Variants in DNAJB6 observed in about 807,000 individuals in gnomAD.
The protein encoded by DNAJB6 is DnaJ heat shock protein family (Hsp40) member B6.
A neutral mutation model predicts 42.7 loss-of-function variants in DNAJB6; 16 were observed. The observed-to-expected ratio is 0.37, with a 90% CI of 0.25 to 0.57. The LOEUF (loss-of-function observed/expected upper bound fraction) is 0.57, where lower values mean the gene tolerates loss of function less well. Ranked by LOEUF, DNAJB6 falls within the 20% of genes least tolerant of loss-of-function variation. The pLI is 0.74. For missense variants in DNAJB6, 347 were observed against 416.8 expected (o/e 0.83, Z 1.46); for synonymous variants, 170 against 163.5 (o/e 1.04, Z -0.30).
At chr7:157,369,303 A>G in intron 5 of DNAJB6, 1 of 456,768 alleles carries the variant, frequency 2.2e-6, no homozygotes, top group Non-Finnish European at 4.4e-6. Flanking sequence ...CTCTGTCTTA[A>G]AAATGACCTT....
At chr7:157,378,226 G>C (rs543049544) in intron 5 of DNAJB6, 3 of 152,328 alleles carry the variant, frequency 2.0e-5, no homozygotes, top group African/African-American at 7.2e-5. Context: ...CACCTCACTG[G>C]TTGTGGTTCT....
intron 4 of DNAJB6, 114 bp downstream of exon 4, chr7:157,366,675 C>G: frequency 1.1e-6 from 1 of 928,296 alleles, no homozygotes; most frequent in Admixed American, 2.4e-5. Flanking sequence ...AGAGATGCAA[C>G]GTAGAAAGCG....
chr7:157,361,420 G>A (rs1035668415), intron 2 of DNAJB6, among the ~76,000 whole-genome samples: 1 of 152,152 alleles, frequency 6.6e-6, no homozygotes, highest in Admixed American at 6.5e-5. Flanking sequence ...GCCTCCCAAA[G>A]TGCTGAGATT....
In DNAJB6 at chr7:157,384,853, C is replaced by T. The variant is rs956038008; in HGVS notation, c.479-14C>T. ...ATATTTCTTTAAGCATTTTTCTTTT[C>T]TGTTTTCCTGTAGGATTTACTTCAT... On this transcript the variant is annotated splice_polypyrimidine_tract_variant and intron_variant, in intron 6 of 9. Coordinates refer to ENST00000262177, the MANE Select transcript of DNAJB6 (RefSeq NM_058246.4). 18 of 1,602,424 alleles carry T rather than the reference C, an allele frequency of 1.1e-5. No homozygotes were observed. Among genetic ancestry groups the T allele is most frequent in the Admixed American group, 1.7e-5 (1 of 57,720 alleles).
At chr7:157,405,069 G>A (rs915696759) in intron 8 of DNAJB6, among the ~76,000 whole-genome samples, 8 of 152,200 alleles carry the variant, frequency 5.3e-5, no homozygotes, top group African/African-American at 1.9e-4. Context: ...CCAGAAGCAG[G>A]GTCCTTGGGT....
chr7:157,378,337 A>G (rs1010670425), intron 5 of DNAJB6: 1 of 152,244 alleles, frequency 6.6e-6, no homozygotes, highest in Non-Finnish European at 1.5e-5. Flanking sequence ...GTTGTTTATA[A>G]ATCCAAAAGT....
At chr7:157,410,984 C>T (rs936078540) in intron 9 of DNAJB6, 3 of 151,084 alleles carry the variant, frequency 2.0e-5, no homozygotes, top group African/African-American at 2.5e-5. Context: ...CACCCCCAGC[C>T]GTGAGAGCCT....
chr7:157,378,507 G>A (rs946821399), intron 5 of DNAJB6: 5 of 152,130 alleles, frequency 3.3e-5, no homozygotes, highest in African/African-American at 1.2e-4. Context: ...ATTGTAGCAC[G>A]CGCTGTATGG....
At chr7:157,360,335 C>T (rs1584897922) in intron 2 of DNAJB6, among the ~76,000 whole-genome samples, 4 of 152,162 alleles carry the variant, frequency 2.6e-5, no homozygotes, top group African/African-American at 9.7e-5. Flanking sequence ...GACTAGTCCC[C>T]ATGATTCAGT....
chr7:157,338,988 A>G (rs1359287273), intron 1 of DNAJB6, among the ~76,000 whole-genome samples: 1 of 152,054 alleles, frequency 6.6e-6, no homozygotes, highest in Non-Finnish European at 1.5e-5. Context: ...TTTAAAATTT[A>G]TTTTCTTCTG....
At chr7:157,393,946 C>T (rs1202939716) in intron 8 of DNAJB6, among the ~76,000 whole-genome samples, 1 of 152,198 alleles carries the variant, frequency 6.6e-6, no homozygotes, top group South Asian at 2.1e-4. Context: ...CCACGGTGTT[C>T]TGAGGCCTGT....
intron 2 of DNAJB6, among the ~76,000 whole-genome samples, chr7:157,360,717 T>G (rs1021828812): frequency 2.0e-5 from 3 of 152,212 alleles, no homozygotes; most frequent in East Asian, 3.9e-4. Flanking sequence ...GTCTATCTTG[T>G]GTACCCTTGG....
At chr7:157,403,491 T>C (rs1470158709) in intron 8 of DNAJB6, among the ~76,000 whole-genome samples, 1 of 152,146 alleles carries the variant, frequency 6.6e-6, no homozygotes, top group African/African-American at 2.4e-5. Context: ...TTTGAGACAT[T>C]GTCTCATTCC....
intron 1 of DNAJB6, among the ~76,000 whole-genome samples, chr7:157,352,866 T>C (rs1255427361): frequency 6.6e-6 from 1 of 152,112 alleles, no homozygotes; most frequent in Non-Finnish European, 1.5e-5. Context: ...TTGTTTACGA[T>C]AAACACCCAG....
At chr7:157,346,990 A>G (rs1798723109) in intron 1 of DNAJB6, among the ~76,000 whole-genome samples, 1 of 152,060 alleles carries the variant, frequency 6.6e-6, no homozygotes, top group Non-Finnish European at 1.5e-5. Flanking sequence ...CAAGTAGCTG[A>G]GACTACAGGC....
chr7:157,358,857 A>G (rs1799438786), intron 2 of DNAJB6, among the ~76,000 whole-genome samples: 1 of 152,022 alleles, frequency 6.6e-6, no homozygotes, highest in East Asian at 1.9e-4. Flanking sequence ...TCTGAAGTTG[A>G]TGATTGTTTC....
rs191593766 is a variant in DNAJB6 at position 157,393,273 on chromosome 7, C to T, written c.691+7662C>T. The stretch of plus-strand genomic sequence containing the variant: ...ATTACAGGTGTGAGCCACTGCGCCT[C>T]GCCTATTCTGATTTTAAAAAAGAAT... On this transcript the variant is annotated intron_variant, in intron 8 of 9. Transcript: ENST00000262177. Among the ~76,000 whole-genome samples the T allele has an allele frequency of 2.1e-3, 318 of 152,164 alleles. 1 individual carries two copies. The highest frequency in any genetic ancestry group is 7.4e-3 in the African/African-American group (309 of 41,512).
chr7:157,361,596 A>G (rs1166848389), intron 2 of DNAJB6, among the ~76,000 whole-genome samples: 2 of 152,252 alleles, frequency 1.3e-5, no homozygotes, highest in African/African-American at 4.8e-5. Flanking sequence ...ACAGCTTTAC[A>G]GTAATAACTT....
chr7:157,358,457 C>A, intron 1 of DNAJB6, 90 bp from the exon 2 acceptor site: 1 of 790,218 alleles, frequency 1.3e-6, no homozygotes, highest in South Asian at 1.6e-5. Context: ...AAGGTGACAC[C>A]ACCCCTTCCT....
Sources: allele counts gnomAD v4.1 joint callset (sites outside exome capture counted in the v4.1 genomes callset), GRCh38; gene constraint gnomAD v4.1.1; transcripts MANE v1.5; gene names NCBI Gene and HGNC (gene_info 2026-07-23, HGNC 2026-07-21).